CSMD1: variants seen among roughly 807,000 people sequenced by gnomAD.
CSMD1 encodes CUB and sushi domain-containing protein 1.
CSMD1 carries 213 observed loss-of-function variants against 417.5 expected under a neutral mutation model. The ratio of observed to expected loss-of-function variants is 0.51; its 90% CI spans 0.46 to 0.57. CSMD1 has a LOEUF of 0.57. Among genes scored for constraint, CSMD1 ranks in the 20% least tolerant of loss-of-function variants. The probability of loss-of-function intolerance (pLI) is 0.00; values close to 1 mark genes in which losing one functional copy is unlikely to be tolerated. For missense variants in CSMD1, 6,923 were observed against 4,529.7 expected, an observed-to-expected ratio of 1.53 and a Z score of -15.17; for synonymous variants, 2,862 against 1,736.8, an observed-to-expected ratio of 1.65 and a Z score of -16.11.
At chr8:3,683,052 G>C (rs3102088) in intron 7 of CSMD1, among the ~76,000 whole-genome samples, 22,918 of 151,990 alleles carry the variant, frequency 0.15, 1,841 homozygotes, top group African/African-American at 0.21. Context: ...GTTGTGGGGT[G>C]GGGGTAGAGG....
intron 2 of CSMD1, among the ~76,000 whole-genome samples, chr8:4,620,151 C>G (rs895329980): frequency 3.3e-5 from 5 of 151,596 alleles, no homozygotes; most frequent in Non-Finnish European, 5.9e-5. Flanking sequence ...AAGAGTAGGA[C>G]TATAAAGATA....
At chr8:4,961,246 A>C (rs1253175345) in intron 1 of CSMD1, among the ~76,000 whole-genome samples, 1 of 152,158 alleles carries the variant, frequency 6.6e-6, no homozygotes, top group African/African-American at 2.4e-5. Context: ...CTGCAGTTAT[A>C]TAAAATCCTC....
intron 2 of CSMD1, among the ~76,000 whole-genome samples, chr8:4,627,117 C>A (rs534656251): frequency 1.3e-5 from 2 of 152,192 alleles, no homozygotes; most frequent in Non-Finnish European, 2.9e-5. Context: ...CAGTAAACAA[C>A]TATACATTTC....
At chr8:3,869,167 C>A (rs188223031) in intron 5 of CSMD1, among the ~76,000 whole-genome samples, 25 of 152,298 alleles carry the variant, frequency 1.6e-4, no homozygotes, top group African/African-American at 4.6e-4. Context: ...CTGAAATACA[C>A]AGATGTGCTG....
chr8:3,991,093 C>T (rs921272336), intron 5 of CSMD1, among the ~76,000 whole-genome samples: 5 of 152,222 alleles, frequency 3.3e-5, no homozygotes, highest in Admixed American at 2.6e-4. Flanking sequence ...CCAGCGGCTT[C>T]ATCCCTGGCC....
intron 4 of CSMD1, among the ~76,000 whole-genome samples, chr8:4,028,973 G>C (rs779991072): frequency 1.1e-4 from 16 of 152,186 alleles, no homozygotes; most frequent in Admixed American, 2.0e-4. Flanking sequence ...AGTGTTGCAG[G>C]TAAAGGAATT....
chr8:2,958,447 CCA>C lies in CSMD1; in HGVS notation c.9703-642_9703-641del, dbSNP rs377212565. ...TTCCCCAACGTATCTGCTCCACTCA[CCA>C]CAGTGTCCTGGAATTACCTGTATAT... On this transcript the variant is annotated intron_variant, in intron 62 of 69. Coordinates refer to ENST00000635120, the MANE Select transcript of CSMD1 (RefSeq NM_033225.6). 2.4e-3 allele frequency among the ~76,000 whole-genome samples: 363 copies of C among 152,356 alleles called. 2 individuals carry two copies. Among genetic ancestry groups the C allele is most frequent in the African/African-American group, 8.2e-3 (342 of 41,592 alleles).
intron 1 of CSMD1, among the ~76,000 whole-genome samples, chr8:4,918,611 A>G (rs1806227317): frequency 6.6e-6 from 1 of 152,230 alleles, no homozygotes; most frequent in Non-Finnish European, 1.5e-5. Flanking sequence ...GAAAAGTGAT[A>G]GCTGAATCAC....
chr8:3,692,215 T>G (rs539291636), intron 7 of CSMD1, among the ~76,000 whole-genome samples: 1 of 152,302 alleles, frequency 6.6e-6, no homozygotes, highest in African/African-American at 2.4e-5. Flanking sequence ...TACACCTCAG[T>G]GTCCTGGGGG....
intron 5 of CSMD1, among the ~76,000 whole-genome samples, chr8:3,820,460 C>T (rs887856882): frequency 6.6e-6 from 1 of 152,230 alleles, no homozygotes; most frequent in Admixed American, 6.5e-5. Flanking sequence ...TGTCTTCCAA[C>T]TTGATACCTT....
At chr8:3,881,881 GC>G (rs1210971534) in intron 5 of CSMD1, among the ~76,000 whole-genome samples, 1 of 152,042 alleles carries the variant, frequency 6.6e-6, no homozygotes, top group Non-Finnish European at 1.5e-5. Flanking sequence ...CATAAATGGG[GC>G]TGGGTCAGTT....
intron 25 of CSMD1, among the ~76,000 whole-genome samples, chr8:3,291,196 A>G (rs539436249): frequency 2.6e-5 from 4 of 152,156 alleles, no homozygotes; most frequent in Admixed American, 1.3e-4. Flanking sequence ...TTGTGGATAA[A>G]CTTTTTGATG....
chr8:4,941,592 T>C (rs1275580280), intron 1 of CSMD1, among the ~76,000 whole-genome samples: 11 of 145,430 alleles, frequency 7.6e-5, no homozygotes, highest in Admixed American at 6.3e-4. Context: ...TCAGTTTTTT[T>C]TAATTTTTAA....
chr8:4,237,642 A>C (rs2656277), intron 3 of CSMD1, among the ~76,000 whole-genome samples: 1 of 151,548 alleles, frequency 6.6e-6, no homozygotes, highest in Non-Finnish European at 1.5e-5. Flanking sequence ...CACCCTTTCT[A>C]GTAGCTGAGA....
intron 5 of CSMD1, among the ~76,000 whole-genome samples, chr8:3,952,547 G>A (rs1208207610): frequency 1.3e-5 from 2 of 152,090 alleles, no homozygotes; most frequent in African/African-American, 4.8e-5. Flanking sequence ...TTTTTTAACA[G>A]TATAAATTCA....
chr8:4,466,972 G>A (rs1563206581), intron 2 of CSMD1, among the ~76,000 whole-genome samples: 1 of 151,902 alleles, frequency 6.6e-6, no homozygotes, highest in Non-Finnish European at 1.5e-5. Context: ...TTAGCTGTAA[G>A]GAAATGCTCA....
chr8:4,047,714 A>AT (rs1798221231), intron 3 of CSMD1, among the ~76,000 whole-genome samples: 1 of 152,160 alleles, frequency 6.6e-6, no homozygotes, highest in African/African-American at 2.4e-5. Flanking sequence ...AGCTCAGTGG[A>AT]TTTTAAATGC....
Position 4,377,347 on chromosome 8 carries a change from A to G in CSMD1, c.415+42606T>C, listed in dbSNP as rs75624293. Among the ~76,000 whole-genome samples, 1,303 of 152,222 alleles carry G rather than the reference A, an allele frequency of 8.6e-3. 19 individuals carry two copies. Among genetic ancestry groups the G allele is most frequent in the African/African-American group, 0.03 (1,248 of 41,536 alleles). On this transcript the variant is annotated intron_variant, in intron 3 of 69. Coordinates refer to ENST00000635120, the MANE Select transcript of CSMD1 (RefSeq NM_033225.6). ...GGTCGGGGGAGGCTTAGAGCTTACT[A>G]ATTTGGCTTTTAATGGTTTGCTTCC...
chr8:3,750,632 G>T (rs997529321), intron 6 of CSMD1, among the ~76,000 whole-genome samples: 3 of 152,078 alleles, frequency 2.0e-5, no homozygotes, highest in African/African-American at 7.2e-5. Context: ...TAGACAAGAG[G>T]GAAGATTCAG....
Sources: gnomAD v4.1 joint callset for allele counts (sites outside exome capture counted in the v4.1 genomes callset) on GRCh38, gnomAD v4.1.1 for gene constraint, MANE v1.5 for transcripts, NCBI Gene and HGNC (gene_info 2026-07-23, HGNC 2026-07-21) for gene names.